IL3RA: variants seen among roughly 807,000 people sequenced by gnomAD.
The protein encoded by IL3RA is interleukin-3 receptor subunit alpha.
Under a neutral mutation model 52.3 loss-of-function variants are expected in IL3RA, and 73 were observed. That is an observed-to-expected ratio of 1.40 (90% CI 1.16 to 1.70). The LOEUF (loss-of-function observed/expected upper bound fraction) is 1.70, where lower values mean the gene tolerates loss of function less well. IL3RA is among the 40% of genes most tolerant of loss of function. IL3RA has a pLI of 0.00. For synonymous variants in IL3RA, 260 were observed against 194.0 expected (o/e 1.34, Z -2.83); for missense variants, 664 against 504.4 (o/e 1.32, Z -3.03).
chrX:1,377,949 G>A (rs2043213227), intron 9 of IL3RA, among the ~76,000 whole-genome samples: 1 of 150,662 alleles, frequency 6.6e-6, no homozygotes, highest in African/African-American at 2.4e-5. Context: ...ACTTTGGGAG[G>A]CCGAGGCGGG....
At chrX:1,341,586 A>T in intron 1 of IL3RA, 142 bp from the exon 2 acceptor site, 3 of 654,624 alleles carry the variant, frequency 4.6e-6, no homozygotes, top group Non-Finnish European at 8.2e-6. Context: ...ACAGACACAT[A>T]TGCACACTCA....
rs374675584 is a variant in IL3RA, at chrX:1,351,881, C to T, written c.299-219C>T. Among the ~76,000 whole-genome samples, 66 of 152,160 alleles carry T rather than the reference C, an allele frequency of 4.3e-4. 1 individual carries two copies. The highest frequency in any genetic ancestry group is 1.5e-3 in the African/African-American group (63 of 41,532). ...CGGACCTCGGGTGATCCACCTGCCTCGGCCTCCCAAAGTGCTGGGATCACA... is the reference window on the plus strand; with the variant it reads ...CGGACCTCGGGTGATCCACCTGCCTTGGCCTCCCAAAGTGCTGGGATCACA... On this transcript the variant is annotated intron_variant, in intron 4 of 11. Transcript: ENST00000331035.
At chrX:1,376,850 G>T (rs868267398) in intron 9 of IL3RA, among the ~76,000 whole-genome samples, 876 of 69,936 alleles carry the variant, frequency 0.013, 272 homozygotes, top group African/African-American at 0.071. Context: ...GACACACACG[G>T]AGGGACGACC....
intron 9 of IL3RA, 28 bp downstream of exon 9, chrX:1,365,280 G>A: frequency 7.1e-7 from 1 of 1,415,352 alleles, no homozygotes; most frequent in Non-Finnish European, 9.8e-7. Flanking sequence ...GGTGCGCGGG[G>A]TGAGCGGGGT....
chrX:1,345,245 AC>A, intron 2 of IL3RA, 70 bp from the exon 3 acceptor site: 3 of 974,268 alleles, frequency 3.1e-6, no homozygotes, highest in South Asian at 1.7e-5. Flanking sequence ...AAAAAAAAAA[AC>A]CATACCCCTT....
intron 3 of IL3RA, 97 bp from the exon 4 acceptor site, chrX:1,348,334 C>T (rs867253253): frequency 6.4e-5 from 61 of 946,434 alleles, no homozygotes; most frequent in Non-Finnish European, 9.2e-5. Flanking sequence ...GCGTGGGCGA[C>T]GAGAGCGAAA....
chrX:1,349,134 C>T (rs1229328213), intron 4 of IL3RA, among the ~76,000 whole-genome samples: 14 of 151,522 alleles, frequency 9.2e-5, no homozygotes, highest in East Asian at 3.9e-4. Flanking sequence ...CAGCCTCCCA[C>T]GTAGGTGGAA....
chrX:1,360,851 C>G (rs1471350545), intron 8 of IL3RA, among the ~76,000 whole-genome samples: 1 of 151,306 alleles, frequency 6.6e-6, no homozygotes, highest in Admixed American at 6.6e-5. Flanking sequence ...TTCTAGCTCT[C>G]TCCCTGTCTC....
At chrX:1,360,082 T>C (rs1301898695) in intron 8 of IL3RA, among the ~76,000 whole-genome samples, 3 of 149,248 alleles carry the variant, frequency 2.0e-5, no homozygotes, top group Non-Finnish European at 4.5e-5. Flanking sequence ...TCCCTCCATC[T>C]TTCTCTCTCT....
chrX:1,365,601 G>C (rs866846296), intron 9 of IL3RA, among the ~76,000 whole-genome samples: 1 of 33,138 alleles, frequency 3.0e-5, no homozygotes, highest in Non-Finnish European at 4.6e-5. Flanking sequence ...CGGGGTGAGC[G>C]GGGTGAGCGG....
intron 2 of IL3RA, among the ~76,000 whole-genome samples, chrX:1,342,801 C>T (rs1240978084): frequency 1.1e-4 from 16 of 150,092 alleles, no homozygotes; most frequent in African/African-American, 2.4e-4. Flanking sequence ...CCTCATGATC[C>T]GCCTGCCTCG....
chrX:1,347,172 CGTGGTG>C (rs2085778464), intron 3 of IL3RA, among the ~76,000 whole-genome samples: 5 of 151,546 alleles, frequency 3.3e-5, no homozygotes, highest in Admixed American at 1.3e-4. Context: ...GTAGGCCGGG[CGTGGTG>C]GCTCACGCCT....
At position 1,362,838 on chromosome X, in the gene IL3RA, C is replaced by T. The variant is rs752680286; in HGVS notation, c.760-2300C>T. Among the ~76,000 whole-genome samples, 32 of 152,048 alleles carry T rather than the reference C, an allele frequency of 2.1e-4. No individual in the cohort carries two copies. The East Asian group carries it at 2.1e-3, about 10-fold the overall frequency. ...TCACCCAGGCTGGAGTGCAGTGGTG[C>T]GATCTCAGCTCACTGCAACCTCCGC... On this transcript the variant is annotated intron_variant, in intron 8 of 11. Coordinates refer to ENST00000331035, the MANE Select transcript of IL3RA (RefSeq NM_002183.4).
In IL3RA at chrX:1,365,200, C is replaced by T. The variant is rs776424905; in HGVS notation, c.822C>T (p.Ala274=). The T allele has an allele frequency of 2.5e-6, 4 of 1,611,468 alleles. No homozygotes were observed. The East Asian group carries it at 8.9e-5, about 36-fold the overall frequency. ...GAACGTACACAGTACAAATAAGAGC[C>T]CGGGAAAGAGTGTATGAATTCTTGA... is the stretch of plus-strand genomic sequence containing the variant. ...NPGTYTVQIR[A]RERVYEFLSA... The change falls in exon 9 of 12, where the codon GCC becomes GCT. Residue 274 remains alanine (A), a synonymous_variant. Coordinates refer to ENST00000331035, the MANE Select transcript of IL3RA (RefSeq NM_002183.4).
At chrX:1,370,784 G>C (rs1269447211) in intron 9 of IL3RA, among the ~76,000 whole-genome samples, 13 of 71,648 alleles carry the variant, frequency 1.8e-4, no homozygotes, top group East Asian at 3.3e-4. Context: ...CAGACACACA[G>C]AGAGGGACGA....
chrX:1,348,682 CTTTCTT>C lies in IL3RA; in HGVS notation c.298+139_298+144del, dbSNP rs1236346149. 2.0e-5 allele frequency: 10 copies of C among 497,512 alleles called. No homozygotes were observed. In the Admixed American group the frequency reaches 3.7e-4, roughly 18 times the overall value. The allele number at this position is 497,512 out of a possible 1,614,324, so 30.8% of individuals were successfully genotyped here. ...TCTTTCTTTCTTTCTTTCTTTCTTT[CTTTCTT>C]TCTTTTTCTTTCTTTCTGTTTCTGT... On this transcript the variant is annotated intron_variant, in intron 4 of 11. Transcript: ENST00000331035.
rs1185267135 is a variant in IL3RA at position 1,364,060 on chromosome X, T to C, written c.760-1078T>C. ...AAAATTAGCTGGGCATGGTAGCGGG[T>C]GCCTGTAGTCCCAGCTACTCGGGAG... On this transcript the variant is annotated intron_variant, in intron 8 of 11. Transcript: ENST00000331035. Among the ~76,000 whole-genome samples the C allele has an allele frequency of 4.7e-5, 7 of 150,006 alleles. No homozygotes were observed. In the East Asian group the frequency reaches 7.8e-4, roughly 17 times the overall value.
At chrX:1,339,975 A>G (rs1603442494) in intron 1 of IL3RA, among the ~76,000 whole-genome samples, 2 of 152,086 alleles carry the variant, frequency 1.3e-5, no homozygotes, top group Admixed American at 6.6e-5. Flanking sequence ...TGATTTCATC[A>G]TTGTAATTAT....
chrX:1,365,296 GGGT>G, intron 9 of IL3RA, 44 bp downstream of exon 9: 2 of 1,356,394 alleles, frequency 1.5e-6, no homozygotes, highest in Non-Finnish European at 2.0e-6. Flanking sequence ...GGGGTGAGCG[GGGT>G]GCGCGGGGTG....
Sources: allele counts gnomAD v4.1 joint callset (sites outside exome capture counted in the v4.1 genomes callset), GRCh38; gene constraint gnomAD v4.1.1; transcripts MANE v1.5; gene names NCBI Gene and HGNC (gene_info 2026-07-23, HGNC 2026-07-21).